Variants in CRTAP observed in about 807,000 individuals in gnomAD.
CRTAP encodes the protein cartilage-associated protein.
In CRTAP, 33 loss-of-function variants were observed where a neutral mutation model predicts 42.7. That is an observed-to-expected ratio of 0.77 (90% CI 0.59 to 1.03). The LOEUF is 1.03. CRTAP is among the 50% of genes least tolerant of loss of function. The probability of loss-of-function intolerance (pLI) is 0.00; values close to 1 mark genes in which losing one functional copy is unlikely to be tolerated. For missense variants in CRTAP, 613 were observed against 533.9 expected, an observed-to-expected ratio of 1.15 and a Z score of -1.46; for synonymous variants, 243 against 217.7, an observed-to-expected ratio of 1.12 and a Z score of -1.02.
At chr3:33,116,200 A>G (rs2125596871) in intron 1 of CRTAP, among the ~76,000 whole-genome samples, 1 of 152,350 alleles carries the variant, frequency 6.6e-6, no homozygotes, top group South Asian at 2.1e-4. Context: ...GAAGAGGGGA[A>G]GAACATTTTA....
At chr3:33,140,599 A>G (rs538983924) in intron 6 of CRTAP, among the ~76,000 whole-genome samples, 1 of 152,306 alleles carries the variant, frequency 6.6e-6, no homozygotes, top group South Asian at 2.1e-4. Context: ...TCTGGTGTTG[A>G]AATGTGTATA....
At chr3:33,116,471 A>G (rs1198118441) in intron 1 of CRTAP, among the ~76,000 whole-genome samples, 1 of 152,166 alleles carries the variant, frequency 6.6e-6, no homozygotes, top group Non-Finnish European at 1.5e-5. Context: ...CAATTCTTGT[A>G]TCTCAGCCTC....
intron 6 of CRTAP, among the ~76,000 whole-genome samples, chr3:33,135,136 G>C (rs534496580): frequency 6.6e-6 from 1 of 152,322 alleles, no homozygotes; most frequent in East Asian, 1.9e-4. Context: ...GCCCTCCCAG[G>C]GTTGTGAGAA....
At chr3:33,140,892 T>C (rs965665546) in intron 6 of CRTAP, among the ~76,000 whole-genome samples, 2 of 152,254 alleles carry the variant, frequency 1.3e-5, no homozygotes, top group African/African-American at 2.4e-5. Flanking sequence ...CTCTGGAGCA[T>C]GAATTGCACC....
At chr3:33,123,137 TG>T (rs150872661) in intron 2 of CRTAP, among the ~76,000 whole-genome samples, 2,154 of 152,310 alleles carry the variant, frequency 0.014, 51 homozygotes, top group African/African-American at 0.048. Flanking sequence ...AGAAAGTCCT[TG>T]AAGTTTCCAC....
At chr3:33,131,465 G>A (rs948740868) in intron 4 of CRTAP, among the ~76,000 whole-genome samples, 1 of 152,138 alleles carries the variant, frequency 6.6e-6, no homozygotes, top group African/African-American at 2.4e-5. Context: ...GGATGCATGC[G>A]GGCTCTGGCA....
chr3:33,129,824 AC>A (rs1195410821), intron 3 of CRTAP, 114 bp from the exon 4 acceptor site: 2 of 1,030,502 alleles, frequency 1.9e-6, no homozygotes, highest in Non-Finnish European at 3.0e-6. Flanking sequence ...GGCGTGAGCC[AC>A]CGCGCCCGGC....
chr3:33,139,005 G>A (rs529231511), intron 6 of CRTAP, among the ~76,000 whole-genome samples: 9 of 152,250 alleles, frequency 5.9e-5, no homozygotes, highest in East Asian at 3.9e-4. Flanking sequence ...TTAGCTGGGC[G>A]TGGTGGCACA....
At chr3:33,139,115 G>A (rs950588136) in intron 6 of CRTAP, among the ~76,000 whole-genome samples, 1 of 152,122 alleles carries the variant, frequency 6.6e-6, no homozygotes, top group Non-Finnish European at 1.5e-5. Context: ...CTGTACTGTA[G>A]CCTGGGTGGC....
intron 2 of CRTAP, among the ~76,000 whole-genome samples, chr3:33,123,975 G>C (rs1262357351): frequency 1.3e-5 from 2 of 152,082 alleles, no homozygotes; most frequent in African/African-American, 4.8e-5. Flanking sequence ...TCAATTTTAA[G>C]TGTATAATGC....
At chr3:33,139,138 T>C (rs186915603) in intron 6 of CRTAP, among the ~76,000 whole-genome samples, 1 of 151,834 alleles carries the variant, frequency 6.6e-6, no homozygotes, top group Non-Finnish European at 1.5e-5. Context: ...AGTGAGACAC[T>C]GTCTAAAAAA....
At chr3:33,129,327 A>G (rs1315627854) in intron 3 of CRTAP, among the ~76,000 whole-genome samples, 1 of 152,182 alleles carries the variant, frequency 6.6e-6, no homozygotes, top group African/African-American at 2.4e-5. Context: ...GCAATTTGGT[A>G]GTTTAAATTA....
chr3:33,141,590 G>A (rs1315038841), intron 6 of CRTAP, among the ~76,000 whole-genome samples: 1 of 152,204 alleles, frequency 6.6e-6, no homozygotes, highest in Middle Eastern at 3.2e-3. Flanking sequence ...AGGAGGTCGA[G>A]TTTTAGCAGG....
At chr3:33,142,155 C>T (rs1003580211) in intron 6 of CRTAP, among the ~76,000 whole-genome samples, 3 of 152,112 alleles carry the variant, frequency 2.0e-5, no homozygotes, top group Non-Finnish European at 2.9e-5. Flanking sequence ...CTGGGCTGTC[C>T]GCCTCACACA....
intron 1 of CRTAP, among the ~76,000 whole-genome samples, chr3:33,116,506 G>A (rs927890097): frequency 3.3e-5 from 5 of 152,182 alleles, no homozygotes; most frequent in Admixed American, 1.3e-4. Context: ...TTACGGGCAT[G>A]TGCCACCACA....
At chr3:33,115,764 G>C (rs1701334991) in intron 1 of CRTAP, among the ~76,000 whole-genome samples, 1 of 151,368 alleles carries the variant, frequency 6.6e-6, no homozygotes. Flanking sequence ...TGTTTTTTCA[G>C]ATTTCCACCG....
At chr3:33,120,020 C>G (rs1001469381) in intron 1 of CRTAP, among the ~76,000 whole-genome samples, 3 of 152,164 alleles carry the variant, frequency 2.0e-5, no homozygotes, top group Non-Finnish European at 4.4e-5. Flanking sequence ...TACTGGGGCT[C>G]CTCATGGGTG....
chr3:33,138,081 C>T (rs969311442), intron 6 of CRTAP, among the ~76,000 whole-genome samples: 3 of 151,930 alleles, frequency 2.0e-5, no homozygotes, highest in African/African-American at 7.3e-5. Flanking sequence ...TAGTACTACA[C>T]TGTCTTCATT....
At chr3:33,121,660 G>C (rs1043921175) in intron 2 of CRTAP, among the ~76,000 whole-genome samples, 2 of 152,132 alleles carry the variant, frequency 1.3e-5, no homozygotes, top group Non-Finnish European at 2.9e-5. Context: ...AACCAGTGTG[G>C]GGAGAGGGAC....
Sources: allele counts gnomAD v4.1 joint callset (sites outside exome capture counted in the v4.1 genomes callset), GRCh38; gene constraint gnomAD v4.1.1; transcripts MANE v1.5; gene names NCBI Gene and HGNC (gene_info 2026-07-23, HGNC 2026-07-21).